ENO1: variants seen among roughly 807,000 people sequenced by gnomAD.
ENO1 encodes the protein enolase 1, also known as alpha-enolase.
In ENO1, 33 loss-of-function variants were observed where a neutral mutation model predicts 46.3. The ratio of observed to expected loss-of-function variants is 0.71; its 90% CI spans 0.54 to 0.95. ENO1 has a LOEUF of 0.95. Among genes scored for constraint, ENO1 ranks in the 40% least tolerant of loss-of-function variants. The probability of loss-of-function intolerance (pLI) is 0.00; values close to 1 mark genes in which losing one functional copy is unlikely to be tolerated. For missense variants in ENO1, 488 were observed against 553.3 expected (o/e 0.88, Z 1.18); for synonymous variants, 220 against 216.0 (o/e 1.02, Z -0.16).
At chr1:8,869,935 G>A (rs541229444) in intron 4 of ENO1, among the ~76,000 whole-genome samples, 3 of 152,326 alleles carry the variant, frequency 2.0e-5, no homozygotes, top group East Asian at 1.9e-4. Context: ...GGGACGGGCC[G>A]AAGGGAGGGT....
intron 3 of ENO1, chr1:8,871,064 A>G (rs1420618320): frequency 8.1e-7 from 1 of 1,228,980 alleles, no homozygotes. Flanking sequence ...AAGGCACAGC[A>G]TCATCCTGCT....
At position 8,867,261 on chromosome 1, in the gene ENO1, A is replaced by G; in HGVS notation, c.311-11T>C. 1 of 1,613,846 alleles carries G rather than the reference A, an allele frequency of 6.2e-7. No homozygotes were observed. The highest frequency in any genetic ancestry group is 8.5e-7 in the Non-Finnish European group (1 of 1,179,772). On this transcript the variant is annotated splice_polypyrimidine_tract_variant and intron_variant, in intron 5 of 11. Coordinates refer to ENST00000234590, the MANE Select transcript of ENO1 (RefSeq NM_001428.5). ...TCGCACCAAACTTAGCTAGAACAGA[A>G]GAGAACCGAGTGGAATGAAGTCATT... is the stretch of plus-strand genomic sequence containing the variant.
chr1:8,876,159 G>A (rs545876490), intron 1 of ENO1: 7 of 152,316 alleles, frequency 4.6e-5, no homozygotes, highest in Admixed American at 3.3e-4. Flanking sequence ...ATAGAACTGA[G>A]GTGGGTGAGA....
At chr1:8,874,610 A>T (rs576184853) in intron 2 of ENO1, among the ~76,000 whole-genome samples, 427 of 151,484 alleles carry the variant, frequency 2.8e-3, no homozygotes, top group Non-Finnish European at 4.9e-3. Context: ...AGAAAAAGAA[A>T]AAGAAAAAAA....
At chr1:8,877,251 C>T (rs552143142) in intron 1 of ENO1, among the ~76,000 whole-genome samples, 42 of 152,030 alleles carry the variant, frequency 2.8e-4, no homozygotes, top group Admixed American at 9.2e-4. Context: ...CGCGCCTGGT[C>T]GATTTTTGTA....
chr1:8,867,492 T>A (rs1223021259), intron 5 of ENO1, among the ~76,000 whole-genome samples: 1 of 152,220 alleles, frequency 6.6e-6, no homozygotes, highest in Non-Finnish European at 1.5e-5. Context: ...GCAAAGCTCT[T>A]CTGAGTAACC....
intron 7 of ENO1, 71 bp from the exon 8 acceptor site, chr1:8,865,553 T>G: frequency 7.0e-7 from 1 of 1,432,924 alleles, no homozygotes; most frequent in Non-Finnish European, 9.7e-7. Flanking sequence ...CAACAGCTGC[T>G]ACACAGGGAC....
At chr1:8,874,172 T>A (rs144845706) in intron 2 of ENO1, among the ~76,000 whole-genome samples, 1 of 152,310 alleles carries the variant, frequency 6.6e-6, no homozygotes, top group Non-Finnish European at 1.5e-5. Context: ...CACAGCAAGC[T>A]GTCAGCCAAC....
intron 6 of ENO1, 54 bp downstream of exon 6, chr1:8,867,063 C>A (rs888326267): frequency 5.6e-6 from 9 of 1,593,024 alleles, no homozygotes; most frequent in Non-Finnish European, 6.9e-6. Context: ...GGGTCCCCAA[C>A]AGCAAGCTGA....
Position 8,874,822 on chromosome 1 carries a change from A to C in ENO1, c.85+2T>G. 6.2e-7 allele frequency: 1 copy of C among 1,612,590 alleles called. No individual in the cohort carries two copies. The highest frequency in any genetic ancestry group is 1.1e-5 in the South Asian group (1 of 90,922). The stretch of plus-strand genomic sequence containing the variant: ...CATGGAAACCAAGGAGGTGGCACAT[A>C]CCTTTTGAGGTGAAGAGATCAACCT... On this transcript the variant is annotated splice_donor_variant, in intron 2 of 11. Transcript: ENST00000234590. LOFTEE classifies it high-confidence loss of function.
intron 8 of ENO1, among the ~76,000 whole-genome samples, chr1:8,864,801 C>T (rs772108682): frequency 3.3e-5 from 5 of 152,208 alleles, no homozygotes; most frequent in Non-Finnish European, 7.3e-5. Context: ...ATTTCCTGGT[C>T]TGAATTCTTG....
In ENO1 at chr1:8,871,910, C is replaced by T. The variant is rs1306980664; in HGVS notation, c.162G>A (p.Lys54=). The T allele has an allele frequency of 3.7e-6, 6 of 1,614,020 alleles. No individual in the cohort carries two copies. The Admixed American group carries it at 6.7e-5, about 18-fold the overall frequency. The part of the protein sequence containing the change: ...YEALELRDND[K]TRYMGKGVSK... The stretch of plus-strand genomic sequence containing the variant: ...GCTTACCCTTCCCCATATAGCGAGT[C>T]TTATCATTGTCCCGGAGCTCTAGGG... Residue 54 remains lysine, a synonymous_variant, in exon 3 of 12, where the codon AAG becomes AAA. Coordinates refer to ENST00000234590, the MANE Select transcript of ENO1 (RefSeq NM_001428.5).
chr1:8,874,103 C>G (rs1164447211), intron 2 of ENO1: 1 of 152,152 alleles, frequency 6.6e-6, no homozygotes, highest in African/African-American at 2.4e-5. Context: ...ATATTCACAC[C>G]TGCTATCCCT....
In ENO1 at chr1:8,861,203, G is replaced by A; in HGVS notation, c.*157C>T. The A allele has an allele frequency of 1.5e-6, 1 of 678,566 alleles. No homozygotes were observed. Among genetic ancestry groups the A allele is most frequent in the Non-Finnish European group, 2.4e-6 (1 of 408,804 alleles). 42.0% of individuals were successfully genotyped at this position (678,566 alleles called of 1,614,324 possible). A position where few individuals can be genotyped will look rare whatever the true frequency, so the allele number is the denominator to read the frequency against. ...GGCTCCAGGGAGCTTGGCTTCTGTA[G>A]AAGTTCTAAGGAAGCGGTACGAACT... is the stretch of plus-strand genomic sequence containing the variant. On this transcript the variant is annotated 3_prime_UTR_variant, in exon 12 of 12. Coordinates refer to ENST00000234590, the MANE Select transcript of ENO1 (RefSeq NM_001428.5).
intron 1 of ENO1, chr1:8,878,318 G>A (rs1019015686): frequency 3.6e-6 from 1 of 275,098 alleles, no homozygotes; most frequent in Admixed American, 5.4e-5. Flanking sequence ...CGGCCCCGCA[G>A]TCGGTAATCA....
At chr1:8,872,761 T>G (rs1184075242) in intron 2 of ENO1, among the ~76,000 whole-genome samples, 1 of 152,172 alleles carries the variant, frequency 6.6e-6, no homozygotes, top group Non-Finnish European at 1.5e-5. Flanking sequence ...TTTGTTTCAG[T>G]TTGGACAATG....
intron 9 of ENO1, 120 bp from the exon 10 acceptor site, chr1:8,863,463 C>T: frequency 1.0e-6 from 1 of 976,844 alleles, no homozygotes; most frequent in Non-Finnish European, 1.5e-6. Context: ...GGCTAAAGCC[C>T]TCCATGCCTG....
intron 1 of ENO1, 188 bp downstream of exon 1, chr1:8,878,392 G>T (rs985394196): frequency 6.4e-6 from 2 of 313,874 alleles, no homozygotes; most frequent in Non-Finnish European, 1.2e-5. Context: ...CTGGCATTGC[G>T]CCCCCGCCCC....
intron 2 of ENO1, 120 bp from the exon 3 acceptor site, chr1:8,872,106 C>T: frequency 1.3e-6 from 1 of 785,666 alleles, no homozygotes; most frequent in Non-Finnish European, 2.1e-6. Context: ...CTCCTACCAG[C>T]TGTGTGAATT....
Sources: allele counts gnomAD v4.1 joint callset (sites outside exome capture counted in the v4.1 genomes callset), GRCh38; gene constraint gnomAD v4.1.1; transcripts MANE v1.5; gene names NCBI Gene and HGNC (gene_info 2026-07-23, HGNC 2026-07-21).